OSGEPL1: variants seen among roughly 807,000 people sequenced by gnomAD.
The protein encoded by OSGEPL1 is tRNA N6-adenosine threonylcarbamoyltransferase, mitochondrial.
In OSGEPL1, 26 loss-of-function variants were observed where a neutral mutation model predicts 37.2. That is an observed-to-expected ratio of 0.70 (90% CI 0.51 to 0.97). The LOEUF (loss-of-function observed/expected upper bound fraction) is 0.97. OSGEPL1 is among the 50% of genes least tolerant of loss of function. The probability of loss-of-function intolerance (pLI) is 0.00; values close to 1 mark genes in which losing one functional copy is unlikely to be tolerated. For synonymous variants in OSGEPL1, 140 were observed against 159.9 expected, an observed-to-expected ratio of 0.88 and a Z score of 0.94; for missense variants, 404 against 487.0, an observed-to-expected ratio of 0.83 and a Z score of 1.60.
chr2:189,761,517 T>A lies in OSGEPL1; in HGVS notation c.124A>T (p.Ile42Phe), dbSNP rs1272660163. The change falls in exon 2 of 9, where the codon ATT becomes TTT. Residue 42 changes from isoleucine (I) to phenylalanine (F), a missense_variant. Physicochemically the swap from Ile to Phe is conservative, Grantham distance 21. Transcript: ENST00000264151. ...TLFLHKIVLG[I>F]ETSCDDTAAA... ...GCTGTATCATCACAACTAGTTTCAA[T>A]TCCCAATACTATTTTATGAAGAAAT... 1 of 1,613,180 alleles carries A rather than the reference T, an allele frequency of 6.2e-7. No homozygotes were observed. Among genetic ancestry groups the A allele is most frequent in the Non-Finnish European group, 8.5e-7 (1 of 1,179,532 alleles).
chr2:189,758,285 G>A (rs983725849), intron 2 of OSGEPL1, among the ~76,000 whole-genome samples: 1 of 147,416 alleles, frequency 6.8e-6, no homozygotes, highest in East Asian at 1.9e-4. Flanking sequence ...GAAGGCTGAG[G>A]GGGGAGAATC....
intron 3 of OSGEPL1, chr2:189,754,612 A>G (rs772937123): frequency 4.3e-5 from 18 of 415,832 alleles, no homozygotes; most frequent in Non-Finnish European, 7.7e-5. Context: ...GAAGTTGACA[A>G]TAACTGCTTA....
At chr2:189,760,095 C>G (rs972332986) in intron 2 of OSGEPL1, among the ~76,000 whole-genome samples, 7 of 152,358 alleles carry the variant, frequency 4.6e-5, no homozygotes, top group Admixed American at 1.3e-4. Flanking sequence ...AGATCAACAG[C>G]ATCCCAAGGC....
In OSGEPL1 at chr2:189,755,252, AACAG is replaced by A. The variant is rs749111152; in HGVS notation, c.526_529del (p.Leu176TrpfsTer3). 3.1e-6 allele frequency: 5 copies of A among 1,613,668 alleles called. No homozygotes were observed. In the South Asian group the frequency reaches 5.5e-5, roughly 18 times the overall value. ...ATCTGAAACTCCTTGAACTAATGCCAACAGACAGTGACCTCCAGAAATCAAAAGA... is the reference window on the plus strand; with the variant it reads ...ATCTGAAACTCCTTGAACTAATGCCAACAGTGACCTCCAGAAATCAAAAGA... On this transcript the variant is annotated frameshift_variant, in exon 3 of 9. Transcript: ENST00000264151. LOFTEE classifies it high-confidence loss of function.
chr2:189,762,737 T>G lies in OSGEPL1; in HGVS notation c.-73A>C. 1.0e-6 allele frequency: 1 copy of G among 985,522 alleles called. No individual in the cohort carries two copies. The allele number at this position is 985,522 out of a possible 1,614,324, so 61.0% of individuals were successfully genotyped here. A position where few individuals can be genotyped will look rare whatever the true frequency, so the allele number is the denominator to read the frequency against. ...CTTGTCTCCTTTCCCTACTAAAGAC[T>G]GTCGACTGCCCTTATCGCTGCAGGA... On this transcript the variant is annotated 5_prime_UTR_variant, in exon 1 of 9. Coordinates refer to ENST00000264151, the MANE Select transcript of OSGEPL1 (RefSeq NM_022353.3).
chr2:189,749,907 A>C (rs1225077), intron 8 of OSGEPL1, among the ~76,000 whole-genome samples: 149,262 of 152,092 alleles, frequency 0.98, 73,302 homozygotes, highest in East Asian at 1. Flanking sequence ...AGATTGCCTG[A>C]GCTCAGGAGT....
chr2:189,754,866 T>C (rs1407678337), intron 3 of OSGEPL1: 2 of 338,298 alleles, frequency 5.9e-6, no homozygotes, highest in East Asian at 7.5e-5. Flanking sequence ...TTTACCTTTT[T>C]TGCAGTATGT....
In OSGEPL1 at chr2:189,754,002, T is replaced by C. The variant is rs746967208; in HGVS notation, c.877A>G (p.Met293Val). ...ADIAATVQHTMACHLVKRTHR... is the reference protein window; with the variant it reads ...ADIAATVQHTVACHLVKRTHR... The stretch of plus-strand genomic sequence containing the variant: ...GTTCTTTTCACAAGATGACATGCCA[T>C]TGTGTGCTGTACTGTGGCAGCAATG... Residue 293 changes from methionine to valine, a missense_variant, in exon 5 of 9, where the codon ATG (methionine) becomes GTG (valine). Coordinates refer to ENST00000264151, the MANE Select transcript of OSGEPL1 (RefSeq NM_022353.3). The C allele has an allele frequency of 4.3e-6, 7 of 1,613,640 alleles. No individual in the cohort carries two copies. The highest frequency in any genetic ancestry group is 4.0e-5 in the African/African-American group (3 of 74,946).
chr2:189,754,467 A>G lies in OSGEPL1; in HGVS notation c.610-122T>C, dbSNP rs1026149470. 4 of 914,202 alleles carry G rather than the reference A, an allele frequency of 4.4e-6. No homozygotes were observed. In the African/African-American group the frequency reaches 5.0e-5, roughly 12 times the overall value. The allele number at this position is 914,202 out of a possible 1,614,324, so 56.6% of individuals were successfully genotyped here. A position where few individuals can be genotyped will look rare whatever the true frequency, so the allele number is the denominator to read the frequency against. On this transcript the variant is annotated intron_variant, in intron 3 of 8. Transcript: ENST00000264151. The stretch of plus-strand genomic sequence containing the variant: ...AACCCCTGAATGAATAAAACATGCT[A>G]TACTTTGGCAAATATAGACTATAGC...
intron 8 of OSGEPL1, among the ~76,000 whole-genome samples, chr2:189,747,582 C>G (rs1898559): frequency 0.018 from 2,779 of 152,206 alleles, 95 homozygotes; most frequent in African/African-American, 0.064. Context: ...TGGCTTAGAA[C>G]CATATGATGT....
chr2:189,760,708 T>C (rs2046916229), intron 2 of OSGEPL1, among the ~76,000 whole-genome samples: 1 of 151,960 alleles, frequency 6.6e-6, no homozygotes, highest in East Asian at 1.9e-4. Flanking sequence ...GGGGAATCGT[T>C]TGAACTCGAG....
intron 2 of OSGEPL1, among the ~76,000 whole-genome samples, chr2:189,758,344 G>A (rs1314774678): frequency 6.6e-6 from 1 of 151,940 alleles, no homozygotes; most frequent in Non-Finnish European, 1.5e-5. Context: ...TTGCACCATT[G>A]CACTCTGGTC....
At chr2:189,759,455 T>C (rs2046643294) in intron 2 of OSGEPL1, among the ~76,000 whole-genome samples, 1 of 152,216 alleles carries the variant, frequency 6.6e-6, no homozygotes, top group East Asian at 1.9e-4. Context: ...TTTCACCATG[T>C]TAGCCAGGAT....
intron 8 of OSGEPL1, among the ~76,000 whole-genome samples, chr2:189,747,532 AGT>A (rs1232379736): frequency 6.6e-6 from 1 of 152,124 alleles, no homozygotes; most frequent in Non-Finnish European, 1.5e-5. Flanking sequence ...CCATATTTAT[AGT>A]GTCTTTGGTT....
intron 2 of OSGEPL1, among the ~76,000 whole-genome samples, chr2:189,756,080 G>C (rs1296527763): frequency 6.6e-6 from 1 of 152,204 alleles, no homozygotes; most frequent in Non-Finnish European, 1.5e-5. Context: ...CAGCTATTCA[G>C]CTGGAATGAC....
intron 5 of OSGEPL1, among the ~76,000 whole-genome samples, chr2:189,753,317 CTTT>C (rs747450481): frequency 2.6e-5 from 4 of 151,912 alleles, no homozygotes; most frequent in Non-Finnish European, 4.4e-5. Context: ...AAAAATTATT[CTTT>C]GATATCCATG....
chr2:189,754,761 G>C (rs558555684), intron 3 of OSGEPL1: 2 of 230,696 alleles, frequency 8.7e-6, no homozygotes, highest in Non-Finnish European at 8.3e-6. Flanking sequence ...AGGGGGGTGG[G>C]GGGGGACCCT....
chr2:189,756,913 A>C (rs2046172553), intron 2 of OSGEPL1, among the ~76,000 whole-genome samples: 1 of 152,200 alleles, frequency 6.6e-6, no homozygotes, highest in Non-Finnish European at 1.5e-5. Flanking sequence ...GGGAGACATC[A>C]AATCCAAATT....
At chr2:189,753,725 A>T (rs781633066) in intron 5 of OSGEPL1, among the ~76,000 whole-genome samples, 191 bp downstream of exon 5, 1 of 152,230 alleles carries the variant, frequency 6.6e-6, no homozygotes, top group African/African-American at 2.4e-5. Context: ...GAAGCTATAC[A>T]GCTGTCCCAT....
Sources: allele counts gnomAD v4.1 joint callset (sites outside exome capture counted in the v4.1 genomes callset), GRCh38; gene constraint gnomAD v4.1.1; transcripts MANE v1.5; gene names NCBI Gene and HGNC (gene_info 2026-07-23, HGNC 2026-07-21).